The following WDFY3 variants were observed in gnomAD, a reference collection of about 807,000 sequenced individuals.
WDFY3 encodes WD repeat and FYVE domain-containing protein 3.
WDFY3 carries 66 observed loss-of-function variants against 409.6 expected under a neutral mutation model. The observed-to-expected ratio is 0.16, with a 90% CI of 0.13 to 0.20. The LOEUF (loss-of-function observed/expected upper bound fraction) is 0.20. Ranked by LOEUF, WDFY3 falls within the 10% of genes least tolerant of loss-of-function variation. The pLI is 1.00. For synonymous variants in WDFY3, 1,521 were observed against 1,537.1 expected (o/e 0.99, Z 0.25); for missense variants, 3,031 against 4,298.1 (o/e 0.71, Z 8.24).
intron 51 of WDFY3, among the ~76,000 whole-genome samples, chr4:84,711,834 G>C (rs1018286493): frequency 6.6e-6 from 1 of 151,146 alleles, no homozygotes; most frequent in Non-Finnish European, 1.5e-5. Context: ...CTGGGCAACA[G>C]AGCAAGACTC....
At chr4:84,905,660 T>C (rs191884790) in intron 2 of WDFY3, among the ~76,000 whole-genome samples, 5 of 152,340 alleles carry the variant, frequency 3.3e-5, no homozygotes, top group African/African-American at 9.6e-5. Context: ...ACAGAAACTA[T>C]AGTATGTAAC....
chr4:84,713,761 T>C, intron 50 of WDFY3, among the ~76,000 whole-genome samples: 1 of 152,230 alleles, frequency 6.6e-6, no homozygotes, highest in Admixed American at 6.5e-5. Context: ...AATAGCCTTA[T>C]TATTCACACA....
intron 22 of WDFY3, 81 bp from the exon 23 acceptor site, chr4:84,787,794 T>A: frequency 8.0e-7 from 1 of 1,254,220 alleles, no homozygotes; most frequent in South Asian, 1.4e-5. Context: ...TGTATTTTCA[T>A]TATCCCAAGG....
chr4:84,777,281 C>A (rs868848729), intron 27 of WDFY3, among the ~76,000 whole-genome samples: 3 of 151,668 alleles, frequency 2.0e-5, no homozygotes, highest in Admixed American at 1.3e-4. Flanking sequence ...ATCAACTCCA[C>A]AGAGATGAGA....
At chr4:84,782,845 C>T in intron 25 of WDFY3, 118 bp downstream of exon 25, 1 of 764,786 alleles carries the variant, frequency 1.3e-6, no homozygotes, top group Non-Finnish European at 2.2e-6. Context: ...ACTGCACGTA[C>T]ACTATAGGTC....
chr4:84,796,830 A>C, intron 18 of WDFY3, 78 bp from the exon 19 acceptor site: 1 of 1,199,162 alleles, frequency 8.3e-7, no homozygotes. Flanking sequence ...TTATTTGTAA[A>C]TACCACTTCA....
At position 84,819,167 on chromosome 4, in the gene WDFY3, T is replaced by C. The variant is rs6847990; in HGVS notation, c.1693+918A>G. ...CTAATTACTTCTATAATTATGTGTC[T>C]ACATTTTTCTTCACTAGATTCTAAT... On this transcript the variant is annotated intron_variant, in intron 12 of 67. Coordinates refer to ENST00000295888, the MANE Select transcript of WDFY3 (RefSeq NM_014991.6). Among the ~76,000 whole-genome samples, 421 of 152,220 alleles carry C rather than the reference T, an allele frequency of 2.8e-3. 4 individuals carry two copies. The highest frequency in any genetic ancestry group is 9.5e-3 in the African/African-American group (395 of 41,570).
intron 27 of WDFY3, among the ~76,000 whole-genome samples, chr4:84,776,978 A>C (rs1347195901): frequency 6.6e-6 from 1 of 152,094 alleles, no homozygotes; most frequent in Non-Finnish European, 1.5e-5. Context: ...GCTTGAATTA[A>C]GATATAGCAG....
intron 3 of WDFY3, among the ~76,000 whole-genome samples, chr4:84,896,053 G>A (rs1341935798): frequency 6.6e-6 from 1 of 151,638 alleles, no homozygotes. Flanking sequence ...GTCAAGAGAT[G>A]GAGACCATCC....
At chr4:84,852,267 T>A (rs1390600731) in intron 4 of WDFY3, among the ~76,000 whole-genome samples, 1 of 152,204 alleles carries the variant, frequency 6.6e-6, no homozygotes, top group Non-Finnish European at 1.5e-5. Context: ...ATAATTCACA[T>A]CCCGGGAGGG....
chr4:84,778,407 C>A, intron 27 of WDFY3, 96 bp downstream of exon 27: 1 of 1,167,740 alleles, frequency 8.6e-7, no homozygotes, highest in Non-Finnish European at 1.2e-6. Context: ...AATTATAGGG[C>A]TTTAAACACA....
chr4:84,708,839 C>T (rs1389888281), intron 53 of WDFY3, 70 bp downstream of exon 53: 1 of 1,560,562 alleles, frequency 6.4e-7, no homozygotes. Flanking sequence ...CTGCACCCCA[C>T]TTCAATTGTC....
intron 5 of WDFY3, among the ~76,000 whole-genome samples, chr4:84,847,552 G>T (rs1758244635): frequency 6.7e-6 from 1 of 149,342 alleles, no homozygotes; most frequent in Admixed American, 6.7e-5. Flanking sequence ...GGATCATGAG[G>T]TCAGGAGATA....
intron 9 of WDFY3, 117 bp from the exon 10 acceptor site, chr4:84,827,098 G>T: frequency 9.3e-7 from 1 of 1,074,528 alleles, no homozygotes; most frequent in Non-Finnish European, 1.3e-6. Flanking sequence ...ACTCTGGGAA[G>T]TACTGAAAGA....
intron 5 of WDFY3, among the ~76,000 whole-genome samples, chr4:84,848,621 A>G (rs537788429): frequency 1.3e-5 from 2 of 152,316 alleles, no homozygotes; most frequent in Admixed American, 1.3e-4. Flanking sequence ...ATAAATATCT[A>G]ACAAGTATTC....
intron 25 of WDFY3, among the ~76,000 whole-genome samples, chr4:84,782,444 T>G (rs181050947): frequency 1.1e-3 from 165 of 152,208 alleles, no homozygotes; most frequent in Middle Eastern, 3.4e-3. Context: ...TAGGTAAACA[T>G]GTGCCATGGT....
intron 46 of WDFY3, among the ~76,000 whole-genome samples, chr4:84,721,862 A>C (rs939823539): frequency 7.3e-5 from 11 of 150,852 alleles, no homozygotes; most frequent in East Asian, 1.9e-4. Flanking sequence ...ACAACAACAA[A>C]AAACATGGTA....
chr4:84,751,753 T>C (rs1208099091), intron 35 of WDFY3, 37 bp from the exon 36 acceptor site: 2 of 1,603,426 alleles, frequency 1.2e-6, no homozygotes, highest in East Asian at 4.5e-5. Context: ...GTAATCACAT[T>C]AGACTCTGAC....
At chr4:84,692,849 A>C in intron 59 of WDFY3, 36 bp downstream of exon 59, 1 of 1,561,598 alleles carries the variant, frequency 6.4e-7, no homozygotes, top group Non-Finnish European at 8.6e-7. Flanking sequence ...AATCCCATTA[A>C]ATCATTAATC....
Sources: allele counts gnomAD v4.1 joint callset (sites outside exome capture counted in the v4.1 genomes callset), GRCh38; gene constraint gnomAD v4.1.1; transcripts MANE v1.5; gene names NCBI Gene and HGNC (gene_info 2026-07-23, HGNC 2026-07-21).